Variants in SEMA3D observed in about 807,000 individuals in gnomAD.
SEMA3D encodes semaphorin-3D.
A neutral mutation model predicts 100.1 loss-of-function variants in SEMA3D; 84 were observed. That is an observed-to-expected ratio of 0.84 (90% CI 0.70 to 1.01). The LOEUF (loss-of-function observed/expected upper bound fraction) is 1.01, where lower values mean the gene tolerates loss of function less well. Among genes scored for constraint, SEMA3D ranks in the 50% least tolerant of loss-of-function variants. The pLI is 0.00. For missense variants in SEMA3D, 875 were observed against 934.1 expected, an observed-to-expected ratio of 0.94 and a Z score of 0.82; for synonymous variants, 312 against 320.7, an observed-to-expected ratio of 0.97 and a Z score of 0.29.
At chr7:85,121,650 C>A in intron 3 of SEMA3D, 91 bp downstream of exon 3, 1 of 683,680 alleles carries the variant, frequency 1.5e-6, no homozygotes, top group South Asian at 2.1e-5. Flanking sequence ...TCACAGAAGT[C>A]AATATGCTTT....
chr7:85,158,151 C>T (rs1790649734), intron 1 of SEMA3D, among the ~76,000 whole-genome samples: 2 of 152,008 alleles, frequency 1.3e-5, no homozygotes, highest in Non-Finnish European at 2.9e-5. Flanking sequence ...AATCTGGGCA[C>T]CTTGAAAAAA....
At chr7:85,036,765 T>C (rs1394443016) in intron 12 of SEMA3D, 124 bp downstream of exon 12, 9 of 729,370 alleles carry the variant, frequency 1.2e-5, no homozygotes, top group Admixed American at 1.1e-4. Context: ...ATGCTAATAC[T>C]TCACTGCAAA....
chr7:85,196,489 A>G, the SEMA3D span, among the ~76,000 whole-genome samples: 806 of 152,192 alleles, frequency 5.3e-3, 11 homozygotes, highest in African/African-American at 0.018. Flanking sequence ...AACTCTGGTC[A>G]TCAAAAGAAA....
chr7:85,221,461 T>C, the SEMA3D span, among the ~76,000 whole-genome samples: 17 of 152,102 alleles, frequency 1.1e-4, no homozygotes, highest in Non-Finnish European at 2.4e-4. Context: ...TATTCTTTTC[T>C]GGTGTCAAAC....
chr7:85,119,999 A>G (rs1232596486), intron 3 of SEMA3D, among the ~76,000 whole-genome samples: 1 of 151,322 alleles, frequency 6.6e-6, no homozygotes, highest in East Asian at 1.9e-4. Flanking sequence ...CTTGCATACA[A>G]TGATGCAGTC....
intron 1 of SEMA3D, among the ~76,000 whole-genome samples, chr7:85,164,452 A>AT (rs974107111): frequency 2.0e-5 from 3 of 152,078 alleles, no homozygotes; most frequent in Non-Finnish European, 4.4e-5. Context: ...TTTAAAAAAT[A>AT]TTTTTTTGGA....
At chr7:85,136,847 T>C (rs1789879950) in intron 2 of SEMA3D, among the ~76,000 whole-genome samples, 1 of 152,138 alleles carries the variant, frequency 6.6e-6, no homozygotes, top group Non-Finnish European at 1.5e-5. Context: ...GGATCCACCA[T>C]GCTTTAGCGG....
chr7:85,114,821 T>A (rs1789192522), intron 3 of SEMA3D, among the ~76,000 whole-genome samples: 1 of 152,108 alleles, frequency 6.6e-6, no homozygotes, highest in African/African-American at 2.4e-5. Flanking sequence ...AAAACAAGAT[T>A]TTTAATCCTT....
chr7:85,074,588 G>T (rs1048410466), intron 5 of SEMA3D, among the ~76,000 whole-genome samples: 1 of 151,536 alleles, frequency 6.6e-6, no homozygotes, highest in Non-Finnish European at 1.5e-5. Flanking sequence ...TATGTCTACA[G>T]ATCTGAAGAT....
intron 5 of SEMA3D, among the ~76,000 whole-genome samples, chr7:85,079,806 C>T (rs1208240872): frequency 6.6e-6 from 1 of 152,168 alleles, no homozygotes; most frequent in African/African-American, 2.4e-5. Flanking sequence ...GCTGGTTATG[C>T]CATGCTTATA....
chr7:85,099,461 T>G (rs143005764), intron 3 of SEMA3D, among the ~76,000 whole-genome samples: 2,211 of 152,030 alleles, frequency 0.015, 49 homozygotes, highest in African/African-American at 0.05. Flanking sequence ...TTCATTTTCT[T>G]TATAAATTAC....
intron 9 of SEMA3D, among the ~76,000 whole-genome samples, chr7:85,054,246 AT>A (rs1462188524): frequency 2.6e-5 from 4 of 152,180 alleles, no homozygotes; most frequent in African/African-American, 9.6e-5. Flanking sequence ...CTTGCTATAT[AT>A]ATTCATCAGA....
At chr7:85,053,851 C>A (rs540183517) in intron 9 of SEMA3D, among the ~76,000 whole-genome samples, 1 of 151,910 alleles carries the variant, frequency 6.6e-6, no homozygotes, top group South Asian at 2.1e-4. Flanking sequence ...CTTTTTTGAT[C>A]TCACAATTTG....
intron 2 of SEMA3D, chr7:85,151,773 C>A (rs1398372887): frequency 1.2e-6 from 1 of 826,640 alleles, no homozygotes; most frequent in African/African-American, 1.9e-5. Flanking sequence ...AGAACTTAAA[C>A]TATTATATTA....
chr7:85,132,951 G>A (rs934880882), intron 2 of SEMA3D, among the ~76,000 whole-genome samples: 12 of 151,784 alleles, frequency 7.9e-5, no homozygotes, highest in African/African-American at 1.7e-4. Flanking sequence ...TAATATATTC[G>A]TGTTCAGAAA....
At chr7:85,165,002 C>CA (rs5885453) in intron 1 of SEMA3D, among the ~76,000 whole-genome samples, 94,954 of 148,460 alleles carry the variant, frequency 0.64, 31,035 homozygotes, top group East Asian at 0.9. Flanking sequence ...CCCTTCCCCC[C>CA]ACCCCACAAC....
At chr7:85,187,623 T>C (rs1051794678), upstream of SEMA3D, among the ~76,000 whole-genome samples, 1 of 152,196 alleles carries the variant, frequency 6.6e-6, no homozygotes, top group Non-Finnish European at 1.5e-5. Flanking sequence ...GTGCCTCATA[T>C]CCTTGTCTTC....
At chr7:85,061,205 C>T (rs1435645956) in intron 8 of SEMA3D, among the ~76,000 whole-genome samples, 4 of 152,048 alleles carry the variant, frequency 2.6e-5, no homozygotes, top group Admixed American at 2.6e-4. Flanking sequence ...TTCATCTTTG[C>T]CATTTTGTAT....
intron 2 of SEMA3D, chr7:85,142,590 G>A (rs1022421458): frequency 6.1e-6 from 6 of 984,288 alleles, no homozygotes; most frequent in Non-Finnish European, 7.2e-6. Flanking sequence ...CAAGTTTTAG[G>A]AAGAAGAATA....
Sources: gnomAD v4.1 joint callset for allele counts (sites outside exome capture counted in the v4.1 genomes callset) on GRCh38, gnomAD v4.1.1 for gene constraint, MANE v1.5 for transcripts, NCBI Gene and HGNC (gene_info 2026-07-23, HGNC 2026-07-21) for gene names.